PLEKHG1: variants seen among roughly 807,000 people sequenced by gnomAD.
PLEKHG1 encodes the protein pleckstrin homology and RhoGEF domain containing G1.
In PLEKHG1, 44 loss-of-function variants were observed where a neutral mutation model predicts 100.8. The observed-to-expected ratio is 0.44, with a 90% CI of 0.34 to 0.56. The LOEUF is 0.56. Ranked by LOEUF, PLEKHG1 falls within the 20% of genes least tolerant of loss-of-function variation. PLEKHG1 has a pLI of 0.01. For synonymous variants in PLEKHG1, 640 were observed against 662.5 expected, an observed-to-expected ratio of 0.97 and a Z score of 0.52; for missense variants, 1,545 against 1,720.9, an observed-to-expected ratio of 0.90 and a Z score of 1.81.
At chr6:150,717,203 T>C (rs147434357), upstream of PLEKHG1, among the ~76,000 whole-genome samples, 951 of 151,594 alleles carry the variant, frequency 6.3e-3, 10 homozygotes, top group African/African-American at 0.022. Context: ...GGCTAATTTT[T>C]GTATTTTTTT....
rs1303770712 is a variant in PLEKHG1 at position 150,786,286 on chromosome 6, T to C, written c.513-104T>C. 5.3e-6 allele frequency: 4 copies of C among 759,882 alleles called. No individual in the cohort carries two copies. The East Asian group carries it at 1.0e-4, about 20-fold the overall frequency. The allele number at this position is 759,882 out of a possible 1,614,324, so 47.1% of individuals were successfully genotyped here. On this transcript the variant is annotated intron_variant, in intron 3 of 15. Transcript: ENST00000358517. ...GATCCTCAGTTATCCAATTATATGATTCCTTGTAAATGCCATGGAAATGTT... is the reference window on the plus strand; with the variant it reads ...GATCCTCAGTTATCCAATTATATGACTCCTTGTAAATGCCATGGAAATGTT...
At chr6:150,815,285 C>T (rs943115263) in intron 10 of PLEKHG1, among the ~76,000 whole-genome samples, 1 of 152,124 alleles carries the variant, frequency 6.6e-6, no homozygotes, top group Admixed American at 6.5e-5. Context: ...AGCTGCCTTC[C>T]GTTCTTTTAA....
At chr6:150,826,114 G>A (rs1562556650) in intron 14 of PLEKHG1, among the ~76,000 whole-genome samples, 2 of 151,532 alleles carry the variant, frequency 1.3e-5, no homozygotes, top group Non-Finnish European at 1.5e-5. Context: ...CCCAGGAGGT[G>A]GAAGTTACAG....
intron 2 of PLEKHG1, among the ~76,000 whole-genome samples, chr6:150,639,876 T>C (rs1778179752): frequency 6.6e-6 from 1 of 152,264 alleles, no homozygotes; most frequent in South Asian, 2.1e-4. Context: ...GTATCAATGA[T>C]GCTGCCATTA....
At chr6:150,763,894 G>A (rs1784312992) in intron 2 of PLEKHG1, among the ~76,000 whole-genome samples, 1 of 152,158 alleles carries the variant, frequency 6.6e-6, no homozygotes, top group African/African-American at 2.4e-5. Flanking sequence ...AGAGAGAGGA[G>A]CCCCAGACTT....
At chr6:150,631,464 C>T (rs1466760704) in intron 1 of PLEKHG1, among the ~76,000 whole-genome samples, 4 of 152,172 alleles carry the variant, frequency 2.6e-5, no homozygotes, top group African/African-American at 9.7e-5. Flanking sequence ...ACCTTGAAAG[C>T]CCAGCATGAC....
chr6:150,777,779 G>A (rs565654605), intron 3 of PLEKHG1, among the ~76,000 whole-genome samples: 9 of 151,938 alleles, frequency 5.9e-5, no homozygotes, highest in African/African-American at 1.9e-4. Context: ...ATGCAATCCT[G>A]GTGCACATGT....
chr6:150,734,584 T>C (rs956198761), intron 2 of PLEKHG1, among the ~76,000 whole-genome samples: 2 of 152,148 alleles, frequency 1.3e-5, no homozygotes, highest in South Asian at 2.1e-4. Flanking sequence ...GGTGGTGGAA[T>C]TGTTGAAGAT....
At chr6:150,601,641 A>G (rs1441034412) in intron 1 of PLEKHG1, among the ~76,000 whole-genome samples, 2 of 152,200 alleles carry the variant, frequency 1.3e-5, no homozygotes, top group Non-Finnish European at 1.5e-5. Flanking sequence ...TTTTTTCTTC[A>G]GAGTGCTCCC....
At chr6:150,714,575 T>C (rs1299995055) in intron 3 of PLEKHG1, among the ~76,000 whole-genome samples, 1 of 152,168 alleles carries the variant, frequency 6.6e-6, no homozygotes, top group Admixed American at 6.5e-5. Flanking sequence ...CTTTGTTTGT[T>C]CATTTGTTTT....
At chr6:150,758,008 T>C (rs1172434574) in intron 2 of PLEKHG1, among the ~76,000 whole-genome samples, 1 of 152,184 alleles carries the variant, frequency 6.6e-6, no homozygotes. Flanking sequence ...CCATCCATGA[T>C]TTCATTCCTT....
chr6:150,622,327 C>T (rs940802660), intron 1 of PLEKHG1, among the ~76,000 whole-genome samples: 2 of 152,028 alleles, frequency 1.3e-5, no homozygotes, highest in African/African-American at 4.8e-5. Flanking sequence ...GGCAACATTC[C>T]CAGCCTTAAT....
chr6:150,841,202 C>A, exon 16 of PLEKHG1: 1 of 457,132 alleles, frequency 2.2e-6, no homozygotes, highest in South Asian at 2.1e-5. Context: ...CAATAGTGCC[C>A]ACACCTTAAG....
intron 3 of PLEKHG1, among the ~76,000 whole-genome samples, chr6:150,705,388 A>G (rs900692203): frequency 6.6e-6 from 1 of 152,276 alleles, no homozygotes; most frequent in Admixed American, 6.5e-5. Flanking sequence ...AAGCACAAGA[A>G]TCCCCTGTTC....
In PLEKHG1 at chr6:150,619,497, G is replaced by T. The variant is rs12528680; in HGVS notation, c.-203-18583G>T. 1.0e-3 allele frequency among the ~76,000 whole-genome samples: 158 copies of T among 152,266 alleles called. 1 individual carries two copies. The highest frequency in any genetic ancestry group is 4.5e-3 in the Admixed American group (69 of 15,300). On this transcript the variant is annotated intron_variant, in intron 1 of 3. Transcript: ENST00000367326. ...GAGGGCAATAGAAACTCATACAACT[G>T]GTCATAGATGTTTTTCTGACACAGT... is the stretch of plus-strand genomic sequence containing the variant.
At chr6:150,623,376 C>G (rs913924580) in intron 1 of PLEKHG1, among the ~76,000 whole-genome samples, 1 of 152,192 alleles carries the variant, frequency 6.6e-6, no homozygotes, top group Non-Finnish European at 1.5e-5. Context: ...CCTGCGTCCT[C>G]CATCAGCACC....
intron 3 of PLEKHG1, among the ~76,000 whole-genome samples, chr6:150,688,847 T>C (rs373471205): frequency 6.6e-6 from 1 of 152,246 alleles, no homozygotes; most frequent in South Asian, 2.1e-4. Context: ...GTTTTTGGTA[T>C]ATTACATTAT....
intron 14 of PLEKHG1, among the ~76,000 whole-genome samples, chr6:150,825,410 C>T (rs1776541098): frequency 6.6e-6 from 1 of 151,906 alleles, no homozygotes; most frequent in Non-Finnish European, 1.5e-5. Flanking sequence ...AACCCCCTCT[C>T]TACAAAAAAA....
intron 14 of PLEKHG1, chr6:150,827,522 C>G (rs868411157): frequency 2.6e-5 from 14 of 534,274 alleles, no homozygotes; most frequent in Middle Eastern, 5.2e-4. Context: ...GTGATTCGCC[C>G]GCCTCTGCCT....
Sources: allele counts gnomAD v4.1 joint callset (sites outside exome capture counted in the v4.1 genomes callset), GRCh38; gene constraint gnomAD v4.1.1; transcripts MANE v1.5; gene names NCBI Gene and HGNC (gene_info 2026-07-23, HGNC 2026-07-21).